Variants in DYNC1H1 observed in about 807,000 individuals in gnomAD.
DYNC1H1 encodes the protein dynein cytoplasmic 1 heavy chain 1.
In DYNC1H1, 51 loss-of-function variants were observed where a neutral mutation model predicts 527.1. The observed-to-expected ratio is 0.10, with a 90% confidence interval of 0.08 to 0.12. DYNC1H1 has a LOEUF of 0.12. DYNC1H1 is among the 10% of genes least tolerant of loss of function. The probability of loss-of-function intolerance (pLI) is 1.00; values close to 1 mark genes in which losing one functional copy is unlikely to be tolerated. For missense variants in DYNC1H1, 2,771 were observed against 5,971.8 expected (o/e 0.46, Z 17.66); for synonymous variants, 2,189 against 2,278.8 (o/e 0.96, Z 1.12).
At chr14:102,040,701 G>C in intron 64 of DYNC1H1, 28 bp downstream of exon 64, 5 of 1,613,758 alleles carry the variant, frequency 3.1e-6, no homozygotes, top group Non-Finnish European at 4.2e-6. Context: ...TTTCTTTCTG[G>C]ACCTGAATGT....
Position 102,044,480 on chromosome 14 carries a change from A to C in DYNC1H1, c.12891A>C (p.Pro4297=). The stretch of plus-strand genomic sequence containing the variant: ...ACGGACATAAAGACATTCAAATGCC[A>C]GATGGCATCAGGTATGCTGCTGCCT... ...KVDGHKDIQM[P]DGIRREEFVQ... Residue 4297 remains proline, a synonymous_variant, in exon 71 of 78, where the codon CCA becomes CCC. Transcript: ENST00000360184. The surrounding 1 kb of genome is among the most constrained non-coding windows in gnomAD (Gnocchi z 7.1). The C allele has an allele frequency of 6.2e-7, 1 of 1,614,214 alleles. No individual in the cohort carries two copies. The highest frequency in any genetic ancestry group is 8.5e-7 in the Non-Finnish European group (1 of 1,180,042).
At chr14:101,970,467 G>GTTTTTTTT (rs1369451236) in intron 1 of DYNC1H1, among the ~76,000 whole-genome samples, 2 of 103,548 alleles carry the variant, frequency 1.9e-5, no homozygotes, top group Non-Finnish European at 3.7e-5. Context: ...TGTTTGGTTT[G>GTTTTTTTT]TTGTTGTTTT....
At position 102,036,129 on chromosome 14, in the gene DYNC1H1, G is replaced by A. The variant is rs572768576; in HGVS notation, c.10755-360G>A. On this transcript the variant is annotated intron_variant, in intron 56 of 77. Coordinates refer to ENST00000360184, the MANE Select transcript of DYNC1H1 (RefSeq NM_001376.5). This position sits in a 1 kb window ranked among gnomAD's most constrained non-coding sequence, Gnocchi z 5.6. ...TGTATAATGTTAATCCCTTGCTGCT[G>A]CGACATCATTGATGTTGATACGTGC... is the stretch of plus-strand genomic sequence containing the variant. 3.4e-6 allele frequency: 1 copy of A among 291,066 alleles called. No homozygotes were observed. Among genetic ancestry groups the A allele is most frequent in the Admixed American group, 4.8e-5 (1 of 21,038 alleles). 18.0% of individuals were successfully genotyped at this position (291,066 alleles called of 1,614,324 possible).
chr14:102,014,603 G>T (rs570081342), intron 34 of DYNC1H1, among the ~76,000 whole-genome samples: 31 of 151,476 alleles, frequency 2.0e-4, no homozygotes, highest in Non-Finnish European at 4.6e-4. Context: ...AGGGATCCAC[G>T]CCCGGTGCGC....
chr14:101,970,729 C>T lies in DYNC1H1; in HGVS notation c.257-4983C>T, dbSNP rs144151939. On this transcript the variant is annotated intron_variant, in intron 1 of 77. Coordinates refer to ENST00000360184, the MANE Select transcript of DYNC1H1 (RefSeq NM_001376.5). ...AACTCCTGACCTCAGGTGATCCGCC[C>T]GCCTCAGCCTCCCAAAGTGCTGGGA... Among the ~76,000 whole-genome samples the T allele has an allele frequency of 5.5e-3, 839 of 152,104 alleles. 18 individuals carry two copies. Among genetic ancestry groups the T allele is most frequent in the East Asian group, 0.037 (192 of 5,168 alleles).
rs2152578940 is a variant in DYNC1H1 at position 102,011,840 on chromosome 14, G to A, written c.6619-35G>A. On this transcript the variant is annotated intron_variant, in intron 32 of 77. Transcript: ENST00000360184. This position sits in a 1 kb window ranked among gnomAD's most constrained non-coding sequence, Gnocchi z 5.3. ...AGGAGCTGTCCCCATTCCTCCTCTG[G>A]GATGGTCACTGTGCTGGTCTGTTGG... The A allele has an allele frequency of 6.2e-7, 1 of 1,609,402 alleles. No homozygotes were observed. Among genetic ancestry groups the A allele is most frequent in the South Asian group, 1.1e-5 (1 of 90,966 alleles).
chr14:102,009,572 G>A (rs2048235342), intron 29 of DYNC1H1: 11 of 462,490 alleles, frequency 2.4e-5, no homozygotes, highest in South Asian at 1.3e-4. Context: ...ACACTCAGGT[G>A]TGGTGTTGCC....
At chr14:101,975,417 C>T (rs1377735340) in intron 1 of DYNC1H1, among the ~76,000 whole-genome samples, 4 of 152,252 alleles carry the variant, frequency 2.6e-5, no homozygotes, top group African/African-American at 9.6e-5. Flanking sequence ...CAGCGGCTAG[C>T]ACTGCCCACC....
chr14:102,018,439 A>T lies in DYNC1H1; in HGVS notation c.8178-12A>T, dbSNP rs538986139. On this transcript the variant is annotated splice_polypyrimidine_tract_variant and intron_variant, in intron 40 of 77. Transcript: ENST00000360184. This position sits in a 1 kb window ranked among gnomAD's most constrained non-coding sequence, Gnocchi z 5.2. ...TCAGGGAGGGGCGCTGAGCGGGGCT[A>T]TCTGTGCACAGGTTCCTGCGCCACG... 25 of 1,612,704 alleles carry T rather than the reference A, an allele frequency of 1.6e-5. No homozygotes were observed. Among genetic ancestry groups the T allele is most frequent in the Admixed American group, 6.7e-5 (4 of 59,986 alleles).
Position 102,018,556 on chromosome 14 carries a change from C to T in DYNC1H1, c.8283C>T (p.Ser2761=). Residue 2761 remains serine, a synonymous_variant, in exon 41 of 78, where the codon TCC becomes TCT. Transcript: ENST00000360184. This position sits in a 1 kb window ranked among gnomAD's most constrained non-coding sequence, Gnocchi z 5.2. ...FNRAMLRLIP[S]LRTYAEPLTA... is the part of the protein sequence containing the mutation. ...GCGCCATGCTGAGGCTCATTCCATC[C>T]CTGCGGACGTATGCAGAGCCGCTCA... The T allele has an allele frequency of 6.2e-7, 1 of 1,614,120 alleles. No homozygotes were observed.
At position 102,040,239 on chromosome 14, in the gene DYNC1H1, G is replaced by A; in HGVS notation, c.11694G>A (p.Glu3898=). ...TAACCTGTTGCACCCTTCGCAGGGA[G>A]CCCACCTACGATGCAGAATTCCAGC... ...ARIKLKGTVG[E]PTYDAEFQHF... is the part of the protein sequence containing the mutation. Residue 3898 remains glutamate, a synonymous_variant, in exon 63 of 78, where the codon GAG becomes GAA. Coordinates refer to ENST00000360184, the MANE Select transcript of DYNC1H1 (RefSeq NM_001376.5). 2 of 1,614,162 alleles carry A rather than the reference G, an allele frequency of 1.2e-6. No homozygotes were observed. Among genetic ancestry groups the A allele is most frequent in the Non-Finnish European group, 1.7e-6 (2 of 1,180,048 alleles).
In DYNC1H1 at chr14:102,005,270, T is replaced by A. The variant is rs1354039210; in HGVS notation, c.5433+34T>A. 1 of 1,612,812 alleles carries A rather than the reference T, an allele frequency of 6.2e-7. No homozygotes were observed. Among genetic ancestry groups the A allele is most frequent in the Admixed American group, 1.7e-5 (1 of 60,024 alleles). The stretch of plus-strand genomic sequence containing the variant: ...CACACCTGACTCCTTCCTTACCAGT[T>A]AGACTCTTACACCCTCAACCACACA... On this transcript the variant is annotated intron_variant, in intron 26 of 77. Coordinates refer to ENST00000360184, the MANE Select transcript of DYNC1H1 (RefSeq NM_001376.5). This position sits in a 1 kb window ranked among gnomAD's most constrained non-coding sequence, Gnocchi z 4.0.
Position 102,015,196 on chromosome 14 carries a change from T to C in DYNC1H1, c.7106T>C (p.Leu2369Pro). The C allele has an allele frequency of 6.2e-7, 1 of 1,614,208 alleles. No individual in the cohort carries two copies. The highest frequency in any genetic ancestry group is 8.5e-7 in the Non-Finnish European group (1 of 1,180,038). The stretch of plus-strand genomic sequence containing the variant: ...ATGGTCTGGTTCAGTGAGGATGTGC[T>C]GAGCACCGACATGATCTTCAACAAC... ...CGMVWFSEDVLSTDMIFNNFL... is the reference protein window; with the variant it reads ...CGMVWFSEDVPSTDMIFNNFL... Residue 2369 changes from leucine (L) to proline (P), a missense_variant, in exon 35 of 78, where the codon CTG becomes CCG. By Grantham distance (98) the Leu-to-Pro change is moderately conservative (BLOSUM62 -3). This residue lies in a region of DYNC1H1 where 122 missense variants were observed against 168.4 expected (regional missense o/e 0.72). Coordinates refer to ENST00000360184, the MANE Select transcript of DYNC1H1 (RefSeq NM_001376.5). The surrounding 1 kb of genome is among the most constrained non-coding windows in gnomAD (Gnocchi z 6.9).
Position 101,983,674 on chromosome 14 carries a change from T to G in DYNC1H1, c.1461+65T>G. On this transcript the variant is annotated intron_variant, in intron 7 of 77. Coordinates refer to ENST00000360184, the MANE Select transcript of DYNC1H1 (RefSeq NM_001376.5). This position sits in a 1 kb window ranked among gnomAD's most constrained non-coding sequence, Gnocchi z 5.3. ...TTTTGTTTTGTTTTTTGTTTGGTGT[T>G]TTTTTTTTGTTGTTGTTGTTGAGAT... 1 of 1,517,908 alleles carries G rather than the reference T, an allele frequency of 6.6e-7. No individual in the cohort carries two copies. The highest frequency in any genetic ancestry group is 1.2e-5 in the South Asian group (1 of 83,046). 94.0% of individuals were successfully genotyped at this position (1,517,908 alleles called of 1,614,324 possible).
Position 102,042,319 on chromosome 14 carries a change from C to T in DYNC1H1, c.12275+31C>T, listed in dbSNP as rs531452640. The T allele has an allele frequency of 6.2e-7, 1 of 1,614,168 alleles. No individual in the cohort carries two copies. Among genetic ancestry groups the T allele is most frequent in the African/African-American group, 1.3e-5 (1 of 75,042 alleles). On this transcript the variant is annotated intron_variant, in intron 67 of 77. Transcript: ENST00000360184. This position sits in a 1 kb window ranked among gnomAD's most constrained non-coding sequence, Gnocchi z 5.7. The stretch of plus-strand genomic sequence containing the variant: ...CCTGTTCTCTTTGGCTGAAGAAAGC[C>T]TTAGTCCCCAGGCATTCAGGCAGGC...
At chr14:101,998,227 G>A (rs544753432) in intron 16 of DYNC1H1, among the ~76,000 whole-genome samples, 9 of 149,798 alleles carry the variant, frequency 6.0e-5, no homozygotes, top group African/African-American at 2.2e-4. Context: ...CTCTATAGGC[G>A]CTGATCCGAT....
intron 10 of DYNC1H1, among the ~76,000 whole-genome samples, chr14:101,989,441 A>G (rs1258270407): frequency 6.6e-6 from 1 of 152,200 alleles, no homozygotes. Context: ...ATTTGTGTGG[A>G]GCTTAGCAAG....
chr14:102,052,964 G>A lies in DYNC1H1; in HGVS notation c.*2401G>A, dbSNP rs2152602819. 6.6e-6 allele frequency: 1 copy of A among 152,208 alleles called. No individual in the cohort carries two copies. 9.4% of individuals were successfully genotyped at this position (152,208 alleles called of 1,614,324 possible). A position where few individuals can be genotyped will look rare whatever the true frequency, so the allele number is the denominator to read the frequency against. ...GTTGCAGCTCCAGTTGGAATGACTG[G>A]GGGTGTCTTCCGAATCGCCATCATA... On this transcript the variant is annotated 3_prime_UTR_variant, in exon 78 of 78. Coordinates refer to ENST00000360184, the MANE Select transcript of DYNC1H1 (RefSeq NM_001376.5).
chr14:102,023,325 G>A (rs2466163), intron 43 of DYNC1H1: 8,215 of 323,528 alleles, frequency 0.025, 326 homozygotes, highest in African/African-American at 0.11. Context: ...CTGAGGCGGT[G>A]GATCACCTGA....
Sources: gnomAD v4.1 joint callset for allele counts (sites outside exome capture counted in the v4.1 genomes callset) on GRCh38, gnomAD v4.1.1 for gene constraint, gnomAD v4.1.1 regional missense constraint, Gnocchi (gnomAD v3.1) non-coding constraint, MANE v1.5 for transcripts, NCBI Gene and HGNC (gene_info 2026-07-23, HGNC 2026-07-21) for gene names.